LYSMD3: variants seen among roughly 807,000 people sequenced by gnomAD.
LYSMD3 encodes the protein lysM and putative peptidoglycan-binding domain-containing protein 3.
A neutral mutation model predicts 26.1 loss-of-function variants in LYSMD3; 13 were observed. The ratio of observed to expected loss-of-function variants is 0.50; its 90% CI spans 0.32 to 0.79. The LOEUF is 0.79. Ranked by LOEUF, LYSMD3 falls within the 30% of genes least tolerant of loss-of-function variation. LYSMD3 has a pLI of 0.03. For missense variants in LYSMD3, 331 were observed against 362.5 expected (o/e 0.91, Z 0.71); for synonymous variants, 109 against 119.4 (o/e 0.91, Z 0.57).
chr5:90,518,951 G>A lies in LYSMD3; in HGVS notation c.789C>T (p.Ile263=), dbSNP rs141518917. The A allele has an allele frequency of 3.0e-5, 49 of 1,613,994 alleles. No homozygotes were observed. In the East Asian group the frequency reaches 1.1e-3, roughly 36 times the overall value. ...TTTCTCTCTGCTGTGATGGGGGTGT[G>A]ATTTTTGAATGTAAATGTGAAGAGT... The part of the protein sequence containing the change: ...TVDSSHLHSK[I]TPPSQQREME... Residue 263 remains isoleucine, a synonymous_variant, in exon 3 of 3, where the codon ATC becomes ATT. Coordinates refer to ENST00000315948, the MANE Select transcript of LYSMD3 (RefSeq NM_198273.2).
rs1753192422 is a variant in LYSMD3, at chr5:90,525,231, T to C, written c.59A>G (p.Gln20Arg). 2.5e-6 allele frequency: 4 copies of C among 1,613,926 alleles called. No homozygotes were observed. The highest frequency in any genetic ancestry group is 3.4e-6 in the Non-Finnish European group (4 of 1,179,952). Reference protein sequence around the residue: ...FPLPGVQSSGQVHAFGNCSDS... With the variant: ...FPLPGVQSSGRVHAFGNCSDS... ...TGAACAATTTCCAAATGCATGTACT[T>C]GACCACTTGACTGAACTCCTGGAAG... The change falls in exon 2 of 3, where the codon CAA becomes CGA. Residue 20 changes from glutamine to arginine, a missense_variant. Coordinates refer to ENST00000315948, the MANE Select transcript of LYSMD3 (RefSeq NM_198273.2).
chr5:90,523,642 G>C (rs1481875129), intron 2 of LYSMD3, among the ~76,000 whole-genome samples: 1 of 151,964 alleles, frequency 6.6e-6, no homozygotes. Flanking sequence ...CAAATTTCAG[G>C]TAGCAAATCC....
chr5:90,519,763 C>T (rs1174184504), intron 2 of LYSMD3, among the ~76,000 whole-genome samples: 2 of 151,996 alleles, frequency 1.3e-5, no homozygotes, highest in Non-Finnish European at 2.9e-5. Context: ...TCCTTTGCTG[C>T]TTCCCTTTGT....
At chr5:90,525,440 G>GT (rs967243578) in intron 1 of LYSMD3, 140 bp from the exon 2 acceptor site, 232 of 887,634 alleles carry the variant, frequency 2.6e-4, no homozygotes, top group Non-Finnish European at 3.5e-4. Flanking sequence ...GTTTAAGTTC[G>GT]TTTTTTTGTT....
intron 1 of LYSMD3, among the ~76,000 whole-genome samples, chr5:90,529,142 T>G (rs1258576462): frequency 6.6e-6 from 1 of 152,250 alleles, no homozygotes; most frequent in Non-Finnish European, 1.5e-5. Context: ...AGCGAATATT[T>G]CACGCCAACA....
At chr5:90,523,535 A>G (rs1201596134) in intron 2 of LYSMD3, among the ~76,000 whole-genome samples, 1 of 151,902 alleles carries the variant, frequency 6.6e-6, no homozygotes, top group Non-Finnish European at 1.5e-5. Flanking sequence ...ATTTGGGGGG[A>G]AGATGAAAAT....
At position 90,525,295 on chromosome 5, in the gene LYSMD3, T is replaced by A. The variant is rs1203345248; in HGVS notation, c.-6A>T. 1.3e-6 allele frequency: 2 copies of A among 1,580,464 alleles called. No homozygotes were observed. Among genetic ancestry groups the A allele is most frequent in the Non-Finnish European group, 8.6e-7 (1 of 1,166,918 alleles). Reference sequence around the variant, plus strand: ...TTCTGATGCCTCCCTGCCATAATGTTAAAATCTGGAGGAAAAAAAAAGCAG... The same window carrying A: ...TTCTGATGCCTCCCTGCCATAATGTAAAAATCTGGAGGAAAAAAAAAGCAG... On this transcript the variant is annotated 5_prime_UTR_variant, in exon 2 of 3. Transcript: ENST00000315948.
intron 2 of LYSMD3, chr5:90,520,325 T>C: frequency 2.2e-6 from 1 of 448,314 alleles, no homozygotes; most frequent in Non-Finnish European, 4.5e-6. Context: ...TTAGTCCCAT[T>C]CATTTCCATC....
intron 2 of LYSMD3, among the ~76,000 whole-genome samples, chr5:90,521,947 AT>A (rs989365720): frequency 1.3e-5 from 2 of 151,888 alleles, no homozygotes; most frequent in Non-Finnish European, 2.9e-5. Context: ...TATTTTTATA[AT>A]TTTTTTTGTT....
At position 90,519,493 on chromosome 5, in the gene LYSMD3, G is replaced by GA; in HGVS notation, c.256-10_256-9insT. ...CTCTTGATATCTGCTACCTGTGGGG[G>GA]GGAAAAAAAAGCAACATACAACTGA... On this transcript the variant is annotated splice_polypyrimidine_tract_variant and intron_variant, in intron 2 of 2. Transcript: ENST00000315948. The GA allele has an allele frequency of 4.5e-6, 7 of 1,541,752 alleles. No individual in the cohort carries two copies. The highest frequency in any genetic ancestry group is 5.2e-6 in the Non-Finnish European group (6 of 1,149,628).
chr5:90,525,919 CTT>C (rs965709579), intron 1 of LYSMD3, among the ~76,000 whole-genome samples: 7 of 152,154 alleles, frequency 4.6e-5, no homozygotes, highest in South Asian at 2.1e-4. Flanking sequence ...AAAAATATAA[CTT>C]ATAAAATTAA....
intron 1 of LYSMD3, among the ~76,000 whole-genome samples, chr5:90,526,479 C>A (rs1753225596): frequency 6.6e-6 from 1 of 152,182 alleles, no homozygotes. Context: ...TATCTACTCT[C>A]TTTAATTAGG....
chr5:90,528,261 A>C (rs1409447918), intron 1 of LYSMD3, among the ~76,000 whole-genome samples: 1 of 152,200 alleles, frequency 6.6e-6, no homozygotes, highest in Non-Finnish European at 1.5e-5. Context: ...GGCATCCATG[A>C]TCAAAAAAGT....
At position 90,519,311 on chromosome 5, in the gene LYSMD3, T is replaced by C; in HGVS notation, c.429A>G (p.Glu143=). The C allele has an allele frequency of 6.2e-7, 1 of 1,614,074 alleles. No homozygotes were observed. Among genetic ancestry groups the C allele is most frequent in the African/African-American group, 1.3e-5 (1 of 75,046 alleles). Residue 143 remains glutamate, a synonymous_variant, in exon 3 of 3, where the codon GAA becomes GAG. Transcript: ENST00000315948. ...CAAGAGAATCATTAGCTGGCAAAAT[T>C]TCCTGTTGTTCGGAAGAGTATTGAA... The part of the protein sequence containing the change: ...SSVQYSSEQQ[E]ILPANDSLAY...
intron 2 of LYSMD3, chr5:90,520,487 T>C (rs1468100740): frequency 2.3e-6 from 1 of 435,620 alleles, no homozygotes; most frequent in Admixed American, 2.4e-5. Context: ...AGAGGCTAAA[T>C]GCAGATTTTA....
intron 2 of LYSMD3, among the ~76,000 whole-genome samples, chr5:90,520,009 A>C (rs1316781361): frequency 1.3e-5 from 2 of 152,110 alleles, no homozygotes; most frequent in Admixed American, 6.5e-5. Context: ...CACCATTCCA[A>C]AAAAAGATGC....
At chr5:90,528,909 G>A (rs1197850715) in intron 1 of LYSMD3, among the ~76,000 whole-genome samples, 1 of 152,194 alleles carries the variant, frequency 6.6e-6, no homozygotes, top group Non-Finnish European at 1.5e-5. Context: ...AACTAAGCAA[G>A]GTGCAATAAG....
At chr5:90,525,417 T>G in intron 1 of LYSMD3, 117 bp from the exon 2 acceptor site, 1 of 1,056,060 alleles carries the variant, frequency 9.5e-7, no homozygotes, top group Admixed American at 3.0e-5. Flanking sequence ...GTTTTAGTTA[T>G]TTAAACATTT....
intron 2 of LYSMD3, among the ~76,000 whole-genome samples, chr5:90,524,158 G>C (rs550443844): frequency 1.3e-5 from 2 of 152,068 alleles, no homozygotes; most frequent in Non-Finnish European, 2.9e-5. Flanking sequence ...ATACTGGAAC[G>C]TTAATACTAC....
Sources: allele counts gnomAD v4.1 joint callset (sites outside exome capture counted in the v4.1 genomes callset), GRCh38; gene constraint gnomAD v4.1.1; transcripts MANE v1.5; gene names NCBI Gene and HGNC (gene_info 2026-07-23, HGNC 2026-07-21).